Variants in PALLD observed in about 807,000 individuals in gnomAD.
PALLD encodes the protein palladin.
Under a neutral mutation model 123.5 loss-of-function variants are expected in PALLD, and 61 were observed. The ratio of observed to expected loss-of-function variants is 0.49; its 90% CI spans 0.40 to 0.61. PALLD has a LOEUF of 0.61. Ranked by LOEUF, PALLD falls within the 20% of genes least tolerant of loss-of-function variation. The probability of loss-of-function intolerance (pLI) is 0.00; values close to 1 mark genes in which losing one functional copy is unlikely to be tolerated. For missense variants in PALLD, 1,273 were observed against 1,377.0 expected (o/e 0.92, Z 1.20); for synonymous variants, 465 against 496.4 (o/e 0.94, Z 0.84).
At chr4:168,499,899 T>C (rs1232774192) in intron 1 of PALLD, among the ~76,000 whole-genome samples, 1 of 72,646 alleles carries the variant, frequency 1.4e-5, no homozygotes, top group Non-Finnish European at 2.7e-5. Flanking sequence ...CAGTTCTTCA[T>C]CGACTCAAAG....
At chr4:168,798,341 TTTTG>T (rs1436679008) in intron 10 of PALLD, among the ~76,000 whole-genome samples, 6 of 152,182 alleles carry the variant, frequency 3.9e-5, no homozygotes, top group East Asian at 3.8e-4. Context: ...ATAAAGGGTT[TTTTG>T]TTTGTTTGTT....
chr4:168,831,957 A>G lies in PALLD; in HGVS notation c.1965-58965A>G, dbSNP rs914447560. 3 of 971,776 alleles carry G rather than the reference A, an allele frequency of 3.1e-6. No homozygotes were observed. In the African/African-American group the frequency reaches 5.3e-5, roughly 17 times the overall value. The allele number at this position is 971,776 out of a possible 1,614,324, so 60.2% of individuals were successfully genotyped here. ...CCCTAACCTGGGGGCCGCGTCCCAG[A>G]GCTGCGAGCCACGCCTCCTCTCTCC... On this transcript the variant is annotated intron_variant, in intron 10 of 21. Coordinates refer to ENST00000505667, the MANE Select transcript of PALLD (RefSeq NM_001166108.2).
chr4:168,516,429 T>C (rs1252345635), intron 2 of PALLD, among the ~76,000 whole-genome samples: 1 of 152,168 alleles, frequency 6.6e-6, no homozygotes, highest in African/African-American at 2.4e-5. Context: ...ACCTCCGGTA[T>C]TATAAAAAGG....
chr4:168,873,680 C>G (rs1751370758), intron 10 of PALLD, among the ~76,000 whole-genome samples: 1 of 152,218 alleles, frequency 6.6e-6, no homozygotes, highest in African/African-American at 2.4e-5. Context: ...TTACTGAGCA[C>G]TCTATAGAGA....
At chr4:168,760,413 C>A (rs901432010) in intron 10 of PALLD, among the ~76,000 whole-genome samples, 14 of 152,138 alleles carry the variant, frequency 9.2e-5, no homozygotes, top group African/African-American at 3.4e-4. Context: ...CTTCCAAATA[C>A]CAAATTGCAG....
chr4:168,684,702 A>G (rs1781864000), intron 5 of PALLD, among the ~76,000 whole-genome samples: 1 of 152,340 alleles, frequency 6.6e-6, no homozygotes, highest in South Asian at 2.1e-4. Flanking sequence ...ATCACAGGCC[A>G]GTAAAGTCTT....
chr4:168,711,535 A>T, intron 9 of PALLD, 46 bp from the exon 10 acceptor site: 8 of 1,290,194 alleles, frequency 6.2e-6, no homozygotes, highest in Non-Finnish European at 9.0e-6. Context: ...CACTTGTTGA[A>T]CTAGTGGCAT....
rs1560858100 is a variant in PALLD, at chr4:168,887,131, AAG to A, written c.1965-3789_1965-3788del. Reference sequence around the variant, plus strand: ...GACTCTGTCTCAAAAAAAAAAAAAAAAGAAAAAGAAAAAGTAGAATAATCAGT... The same window carrying A: ...GACTCTGTCTCAAAAAAAAAAAAAAAAAAAAGAAAAAGTAGAATAATCAGT... On this transcript the variant is annotated intron_variant, in intron 10 of 21. Transcript: ENST00000505667. Among the ~76,000 whole-genome samples the A allele has an allele frequency of 3.4e-5, 4 of 118,930 alleles. 1 individual carries two copies. Among genetic ancestry groups the A allele is most frequent in the Non-Finnish European group, 5.7e-5 (3 of 52,528 alleles). The allele number at this position is 118,930 out of a possible 152,430, so 78.0% of individuals were successfully genotyped here. A position where few individuals can be genotyped will look rare whatever the true frequency, so the allele number is the denominator to read the frequency against.
At chr4:168,678,821 T>G (rs962905470) in intron 3 of PALLD, among the ~76,000 whole-genome samples, 7 of 146,514 alleles carry the variant, frequency 4.8e-5, no homozygotes, top group Non-Finnish European at 7.5e-5. Flanking sequence ...GTATGGTGTG[T>G]GGGGGGGTAT....
chr4:168,642,017 T>G (rs768966670), intron 2 of PALLD, among the ~76,000 whole-genome samples: 5 of 152,222 alleles, frequency 3.3e-5, no homozygotes, highest in Non-Finnish European at 7.3e-5. Flanking sequence ...CCATGAGTTG[T>G]GTCTTCGTCT....
intron 10 of PALLD, among the ~76,000 whole-genome samples, chr4:168,782,286 T>C (rs1736035270): frequency 6.6e-6 from 1 of 152,212 alleles, no homozygotes; most frequent in South Asian, 2.1e-4. Context: ...GCTGTTGATG[T>C]AGAGCGAATT....
chr4:168,654,106 A>C (rs997200925), intron 2 of PALLD, among the ~76,000 whole-genome samples: 1 of 152,148 alleles, frequency 6.6e-6, no homozygotes, highest in Non-Finnish European at 1.5e-5. Context: ...CACATGGCTC[A>C]TCAGTGATAA....
intron 15 of PALLD, among the ~76,000 whole-genome samples, chr4:168,904,845 G>A (rs1368561906): frequency 4.6e-5 from 7 of 151,782 alleles, no homozygotes; most frequent in Non-Finnish European, 8.8e-5. Flanking sequence ...AAAGTTTCTG[G>A]CCCAGGTGCA....
rs1784850920 is a variant in PALLD, at chr4:168,711,666, G to A, written c.1707G>A (p.Leu569=). 6.2e-7 allele frequency: 1 copy of A among 1,614,028 alleles called. No homozygotes were observed. Among genetic ancestry groups the A allele is most frequent in the East Asian group, 2.2e-5 (1 of 44,878 alleles). ...FQHFPPPPPI[L]ETSSLELASK... ...ACTTTCCACCTCCCCCTCCAATCTT[G>A]GAGACAAGTTCCTTGGAGTTGGCTT... Residue 569 remains leucine, a synonymous_variant, in exon 10 of 22, where the codon TTG becomes TTA. Coordinates refer to ENST00000505667, the MANE Select transcript of PALLD (RefSeq NM_001166108.2).
intron 2 of PALLD, among the ~76,000 whole-genome samples, chr4:168,658,866 G>A (rs1254674221): frequency 6.6e-6 from 1 of 152,082 alleles, no homozygotes; most frequent in Non-Finnish European, 1.5e-5. Flanking sequence ...TCTATTTATT[G>A]GTCTCTTTGG....
intron 2 of PALLD, among the ~76,000 whole-genome samples, chr4:168,659,242 C>G (rs1160190877): frequency 6.6e-6 from 1 of 152,196 alleles, no homozygotes; most frequent in East Asian, 1.9e-4. Flanking sequence ...CGTGGCAGAC[C>G]ACTGCCATTC....
intron 10 of PALLD, among the ~76,000 whole-genome samples, chr4:168,733,303 T>G (rs1340243451): frequency 1.3e-5 from 2 of 152,210 alleles, no homozygotes; most frequent in Non-Finnish European, 2.9e-5. Flanking sequence ...AATTTAACCT[T>G]TAAATAAAAA....
chr4:168,772,528 A>G (rs1270099919), intron 10 of PALLD, among the ~76,000 whole-genome samples: 1 of 152,202 alleles, frequency 6.6e-6, no homozygotes, highest in Non-Finnish European at 1.5e-5. Context: ...TGAGTTTTGG[A>G]GCTGAGCTTT....
At chr4:168,787,217 A>G (rs143188986) in intron 10 of PALLD, among the ~76,000 whole-genome samples, 2 of 152,324 alleles carry the variant, frequency 1.3e-5, no homozygotes, top group Admixed American at 6.5e-5. Flanking sequence ...AGTATTTATT[A>G]AGAACCTGCC....
Sources: allele counts gnomAD v4.1 joint callset (sites outside exome capture counted in the v4.1 genomes callset), GRCh38; gene constraint gnomAD v4.1.1; transcripts MANE v1.5; gene names NCBI Gene and HGNC (gene_info 2026-07-23, HGNC 2026-07-21).